ATP6V1F: variants seen among roughly 807,000 people sequenced by gnomAD.
ATP6V1F encodes the protein ATPase H+ transporting V1 subunit F, also known as V-type proton ATPase subunit F.
In ATP6V1F, 4 loss-of-function variants were observed where a neutral mutation model predicts 6.6. The ratio of observed to expected loss-of-function variants is 0.60; its 90% CI spans 0.30 to 1.38. The LOEUF (loss-of-function observed/expected upper bound fraction) is 1.38, where lower values mean the gene tolerates loss of function less well. Ranked by LOEUF, ATP6V1F falls within the 40% of genes most tolerant of loss-of-function variation. The pLI is 0.08. For synonymous variants in ATP6V1F, 68 were observed against 66.9 expected (o/e 1.02, Z -0.08); for missense variants, 136 against 165.5 (o/e 0.82, Z 0.98).
At position 128,865,300 on chromosome 7, in the gene ATP6V1F, T is replaced by G. The variant is rs1453376738; in HGVS notation, c.159-77T>G. The G allele has an allele frequency of 6.3e-7, 1 of 1,594,492 alleles. No homozygotes were observed. The highest frequency in any genetic ancestry group is 8.6e-7 in the Non-Finnish European group (1 of 1,166,588). ...CCCCTCCACAGCCCAGCCCAACAACTCGGAGAGGGCTGCCTGGGTAGGAGA... is the reference window on the plus strand; with the variant it reads ...CCCCTCCACAGCCCAGCCCAACAACGCGGAGAGGGCTGCCTGGGTAGGAGA... On this transcript the variant is annotated intron_variant, in intron 1 of 1. Transcript: ENST00000249289. This position sits in a 1 kb window ranked among gnomAD's most constrained non-coding sequence, Gnocchi z 4.4.
rs908459545 is a variant in ATP6V1F at position 128,862,894 on chromosome 7, C to T, written c.-11C>T. On this transcript the variant is annotated 5_prime_UTR_variant, in exon 1 of 2. Transcript: ENST00000249289. ...CTGGTGCTCTAGGGTGAGCTCTGCCCGGCTGCAGGGATGGCGGGGAGGGGT... is the reference window on the plus strand; with the variant it reads ...CTGGTGCTCTAGGGTGAGCTCTGCCTGGCTGCAGGGATGGCGGGGAGGGGT... The T allele has an allele frequency of 2.5e-6, 4 of 1,586,238 alleles. No individual in the cohort carries two copies. The highest frequency in any genetic ancestry group is 3.4e-6 in the Non-Finnish European group (4 of 1,167,130).
rs969893182 is a variant in ATP6V1F at position 128,863,201 on chromosome 7, C to G, written c.158+139C>G. On this transcript the variant is annotated intron_variant, in intron 1 of 1. Transcript: ENST00000249289. The stretch of plus-strand genomic sequence containing the variant: ...CTTCCGGAGCGGAGGCCTCCGCGCC[C>G]CAAGTCCCCGTTTGGGGCTCGGTGG... The G allele has an allele frequency of 6.6e-6, 7 of 1,052,828 alleles. No individual in the cohort carries two copies. The African/African-American group carries it at 9.8e-5, about 15-fold the overall frequency. 65.2% of individuals were successfully genotyped at this position (1,052,828 alleles called of 1,614,324 possible).
chr7:128,864,359 AAT>A (rs1265045667), intron 1 of ATP6V1F, among the ~76,000 whole-genome samples: 1 of 152,098 alleles, frequency 6.6e-6, no homozygotes, highest in East Asian at 1.9e-4. Flanking sequence ...ATAAAAATAA[AAT>A]AAACAAATGA....
chr7:128,864,679 C>T (rs980894724), intron 1 of ATP6V1F, among the ~76,000 whole-genome samples: 6 of 151,016 alleles, frequency 4.0e-5, no homozygotes, highest in Admixed American at 6.6e-5. Context: ...CAGCTCACTG[C>T]GGCCTCGACT....
chr7:128,865,803 G>A lies in ATP6V1F; in HGVS notation c.*225G>A. On this transcript the variant is annotated 3_prime_UTR_variant, in exon 2 of 2. Transcript: ENST00000249289. This position sits in a 1 kb window ranked among gnomAD's most constrained non-coding sequence, Gnocchi z 4.4. ...CCTCTTCCCTGTGCTGTTACACAGTGTCATTGTTGATGTTAAATTAAAGTC... is the reference window on the plus strand; with the variant it reads ...CCTCTTCCCTGTGCTGTTACACAGTATCATTGTTGATGTTAAATTAAAGTC... 1 of 577,726 alleles carries A rather than the reference G, an allele frequency of 1.7e-6. No homozygotes were observed. The highest frequency in any genetic ancestry group is 2.2e-5 in the South Asian group (1 of 45,164). 35.8% of individuals were successfully genotyped at this position (577,726 alleles called of 1,614,324 possible).
chr7:128,865,208 G>C lies in ATP6V1F; in HGVS notation c.159-169G>C. ...TTGGGATGAAATTGATTCTAGGTAG[G>C]GTTGACAGAGGGTTGAGCGTGGCAG... On this transcript the variant is annotated intron_variant, in intron 1 of 1. Transcript: ENST00000249289. The surrounding 1 kb of genome is among the most constrained non-coding windows in gnomAD (Gnocchi z 4.4). 2 of 1,539,324 alleles carry C rather than the reference G, an allele frequency of 1.3e-6. No individual in the cohort carries two copies. The highest frequency in any genetic ancestry group is 8.7e-7 in the Non-Finnish European group (1 of 1,147,052).
Position 128,865,166 on chromosome 7 carries a change from C to T in ATP6V1F, c.159-211C>T. The T allele has an allele frequency of 6.5e-7, 1 of 1,536,414 alleles. No individual in the cohort carries two copies. Among genetic ancestry groups the T allele is most frequent in the Non-Finnish European group, 8.7e-7 (1 of 1,146,954 alleles). ...CAGTGTTGTAGAAGCCAACCCTAAT[C>T]AGCGTGACCCTCCGCTTTGGGATGA... is the stretch of plus-strand genomic sequence containing the variant. On this transcript the variant is annotated intron_variant, in intron 1 of 1. Transcript: ENST00000249289. This position sits in a 1 kb window ranked among gnomAD's most constrained non-coding sequence, Gnocchi z 4.4.
In ATP6V1F at chr7:128,865,265, C is replaced by A. The variant is rs1034325549; in HGVS notation, c.159-112C>A. 3 of 1,561,404 alleles carry A rather than the reference C, an allele frequency of 1.9e-6. No individual in the cohort carries two copies. The highest frequency in any genetic ancestry group is 1.2e-5 in the South Asian group (1 of 86,306). ...CCCTTGTCCTCTGTGCCCTCTGGGT[C>A]ATGCTCATTCCCCTCCACAGCCCAG... On this transcript the variant is annotated intron_variant, in intron 1 of 1. Coordinates refer to ENST00000249289, the MANE Select transcript of ATP6V1F (RefSeq NM_004231.4). The surrounding 1 kb of genome is among the most constrained non-coding windows in gnomAD (Gnocchi z 4.4).
chr7:128,865,256 C>T lies in ATP6V1F; in HGVS notation c.159-121C>T, dbSNP rs1809364676. ...CAGCCTTTCCCCTTGTCCTCTGTGC[C>T]CTCTGGGTCATGCTCATTCCCCTCC... On this transcript the variant is annotated intron_variant, in intron 1 of 1. Coordinates refer to ENST00000249289, the MANE Select transcript of ATP6V1F (RefSeq NM_004231.4). This position sits in a 1 kb window ranked among gnomAD's most constrained non-coding sequence, Gnocchi z 4.4. The T allele has an allele frequency of 1.3e-6, 2 of 1,556,000 alleles. No homozygotes were observed. The highest frequency in any genetic ancestry group is 1.7e-6 in the Non-Finnish European group (2 of 1,148,480).
chr7:128,865,781 C>A lies in ATP6V1F; in HGVS notation c.*203C>A. 1 of 598,950 alleles carries A rather than the reference C, an allele frequency of 1.7e-6. No homozygotes were observed. Among genetic ancestry groups the A allele is most frequent in the South Asian group, 2.0e-5 (1 of 49,344 alleles). 37.1% of individuals were successfully genotyped at this position (598,950 alleles called of 1,614,324 possible). A position where few individuals can be genotyped will look rare whatever the true frequency, so the allele number is the denominator to read the frequency against. On this transcript the variant is annotated 3_prime_UTR_variant, in exon 2 of 2. Coordinates refer to ENST00000249289, the MANE Select transcript of ATP6V1F (RefSeq NM_004231.4). This position sits in a 1 kb window ranked among gnomAD's most constrained non-coding sequence, Gnocchi z 4.4. ...GCCTGACCATCTCCCTCCACTACCT[C>A]TTCCCTGTGCTGTTACACAGTGTCA...
At position 128,865,099 on chromosome 7, in the gene ATP6V1F, C is replaced by T. The variant is rs753600958; in HGVS notation, c.159-278C>T. On this transcript the variant is annotated intron_variant, in intron 1 of 1. Coordinates refer to ENST00000249289, the MANE Select transcript of ATP6V1F (RefSeq NM_004231.4). This position sits in a 1 kb window ranked among gnomAD's most constrained non-coding sequence, Gnocchi z 4.4. ...CATATTGAATACACCAGTGTGCACC[C>T]TAATCAATCTTCATTACCAGTTCAC... 1.3e-6 allele frequency: 2 copies of T among 1,529,122 alleles called. No homozygotes were observed. The highest frequency in any genetic ancestry group is 1.8e-6 in the Non-Finnish European group (2 of 1,140,356). 94.7% of individuals were successfully genotyped at this position (1,529,122 alleles called of 1,614,324 possible).
chr7:128,863,255 C>T (rs1330657239), intron 1 of ATP6V1F, among the ~76,000 whole-genome samples, 193 bp downstream of exon 1: 3 of 152,130 alleles, frequency 2.0e-5, no homozygotes, highest in African/African-American at 7.2e-5. Flanking sequence ...TCCACGAGCC[C>T]CCCCACCTCA....
intron 1 of ATP6V1F, chr7:128,864,935 T>A: frequency 1.7e-6 from 1 of 597,422 alleles, no homozygotes; most frequent in Non-Finnish European, 3.0e-6. Flanking sequence ...ACTCCTGGGT[T>A]CAAGCAATCC....
Position 128,862,895 on chromosome 7 carries a change from G to T in ATP6V1F, c.-10G>T, listed in dbSNP as rs374713383. On this transcript the variant is annotated 5_prime_UTR_variant, in exon 1 of 2. Coordinates refer to ENST00000249289, the MANE Select transcript of ATP6V1F (RefSeq NM_004231.4). Reference sequence around the variant, plus strand: ...TGGTGCTCTAGGGTGAGCTCTGCCCGGCTGCAGGGATGGCGGGGAGGGGTA... The same window carrying T: ...TGGTGCTCTAGGGTGAGCTCTGCCCTGCTGCAGGGATGGCGGGGAGGGGTA... 1.1e-5 allele frequency: 18 copies of T among 1,587,806 alleles called. 1 individual carries two copies. In the African/African-American group the frequency reaches 2.3e-4, roughly 20 times the overall value.
Position 128,862,869 on chromosome 7 carries a change from C to T in ATP6V1F, c.-36C>T, listed in dbSNP as rs781003764. 9 of 1,502,356 alleles carry T rather than the reference C, an allele frequency of 6.0e-6. No homozygotes were observed. The highest frequency in any genetic ancestry group is 7.1e-6 in the Non-Finnish European group (8 of 1,124,758). 93.1% of individuals were successfully genotyped at this position (1,502,356 alleles called of 1,614,324 possible). A position where few individuals can be genotyped will look rare whatever the true frequency, so the allele number is the denominator to read the frequency against. On this transcript the variant is annotated 5_prime_UTR_variant, in exon 1 of 2. Transcript: ENST00000249289. Reference sequence around the variant, plus strand: ...GGCGGAGGCGGGGTTTCAGTGGCTTCTGGTGCTCTAGGGTGAGCTCTGCCC... The same window carrying T: ...GGCGGAGGCGGGGTTTCAGTGGCTTTTGGTGCTCTAGGGTGAGCTCTGCCC...
chr7:128,865,048 T>C lies in ATP6V1F; in HGVS notation c.159-329T>C. The C allele has an allele frequency of 7.9e-7, 1 of 1,258,876 alleles. No individual in the cohort carries two copies. The highest frequency in any genetic ancestry group is 2.5e-5 in the East Asian group (1 of 39,566). The allele number at this position is 1,258,876 out of a possible 1,614,324, so 78.0% of individuals were successfully genotyped here. ...AGGGATCTGCATACATATAATCTTA[T>C]CCTTCCCCTTTCTGACACATCACTG... On this transcript the variant is annotated intron_variant, in intron 1 of 1. Transcript: ENST00000249289. This position sits in a 1 kb window ranked among gnomAD's most constrained non-coding sequence, Gnocchi z 4.4.
At chr7:128,863,181 G>GGAGC in intron 1 of ATP6V1F, 119 bp downstream of exon 1, 1 of 1,308,746 alleles carries the variant, frequency 7.6e-7, no homozygotes, top group East Asian at 2.6e-5. Context: ...CCGCCCTTCC[G>GGAGC]GAGCGGAGGC....
chr7:128,865,289 A>T lies in ATP6V1F; in HGVS notation c.159-88A>T. The T allele has an allele frequency of 6.3e-7, 1 of 1,587,668 alleles. No homozygotes were observed. Among genetic ancestry groups the T allele is most frequent in the Non-Finnish European group, 8.6e-7 (1 of 1,162,936 alleles). The stretch of plus-strand genomic sequence containing the variant: ...TCATGCTCATTCCCCTCCACAGCCC[A>T]GCCCAACAACTCGGAGAGGGCTGCC... On this transcript the variant is annotated intron_variant, in intron 1 of 1. Coordinates refer to ENST00000249289, the MANE Select transcript of ATP6V1F (RefSeq NM_004231.4). The surrounding 1 kb of genome is among the most constrained non-coding windows in gnomAD (Gnocchi z 4.4).
intron 1 of ATP6V1F, chr7:128,864,897 C>T: frequency 1.9e-6 from 1 of 530,528 alleles, no homozygotes; most frequent in South Asian, 2.1e-5. Flanking sequence ...AGATGGGGGT[C>T]TCACTATGTG....
Sources: gnomAD v4.1 joint callset for allele counts (sites outside exome capture counted in the v4.1 genomes callset) on GRCh38, gnomAD v4.1.1 for gene constraint, Gnocchi (gnomAD v3.1) non-coding constraint, MANE v1.5 for transcripts, NCBI Gene and HGNC (gene_info 2026-07-23, HGNC 2026-07-21) for gene names.